CNNM4: variants seen among roughly 807,000 people sequenced by gnomAD.
The protein encoded by CNNM4 is cyclin and CBS domain divalent metal cation transport mediator 4.
In CNNM4, 32 loss-of-function variants were observed where a neutral mutation model predicts 53.7. That is an observed-to-expected ratio of 0.60 (90% CI 0.45 to 0.80). CNNM4 has a LOEUF of 0.80. Ranked by LOEUF, CNNM4 falls within the 30% of genes least tolerant of loss-of-function variation. The pLI, the probability that CNNM4 is intolerant of heterozygous loss-of-function variation, is 0.00. For missense variants in CNNM4, 784 were observed against 1,022.0 expected (o/e 0.77, Z 3.17); for synonymous variants, 410 against 440.0 (o/e 0.93, Z 0.85).
intron 1 of CNNM4, among the ~76,000 whole-genome samples, chr2:96,772,378 C>T (rs1477203692): frequency 6.9e-6 from 1 of 144,920 alleles, no homozygotes; most frequent in Non-Finnish European, 1.5e-5. Context: ...CACACACGTG[C>T]GCACACACAC....
chr2:96,803,897 T>C (rs79728447), intron 5 of CNNM4, among the ~76,000 whole-genome samples: 3,620 of 152,134 alleles, frequency 0.024, 165 homozygotes, highest in African/African-American at 0.081. Context: ...GACCTCTGTT[T>C]TTTTGTTTGT....
intron 1 of CNNM4, among the ~76,000 whole-genome samples, chr2:96,786,443 G>C (rs978675292): frequency 2.7e-5 from 4 of 149,992 alleles, no homozygotes; most frequent in African/African-American, 9.8e-5. Flanking sequence ...TTAAAAAGTA[G>C]TGTATTAGAG....
At chr2:96,782,320 G>A (rs2078981989) in intron 1 of CNNM4, among the ~76,000 whole-genome samples, 1 of 151,768 alleles carries the variant, frequency 6.6e-6, no homozygotes, top group Non-Finnish European at 1.5e-5. Context: ...GCTGAGGTGG[G>A]AGGATCATTT....
At position 96,769,813 on chromosome 2, in the gene CNNM4, G is replaced by A. The variant is rs10194173; in HGVS notation, c.1402+7412G>A. ...GGTGCCCGAAGGCAGCTTTGCACCG[G>A]TTCTCCGTCAGCCCTGCCTGGTAAT... On this transcript the variant is annotated intron_variant, in intron 1 of 6. Coordinates refer to ENST00000377075, the MANE Select transcript of CNNM4 (RefSeq NM_020184.4). Among the ~76,000 whole-genome samples, 697 of 152,310 alleles carry A rather than the reference G, an allele frequency of 4.6e-3. 6 individuals are homozygous for A. Among genetic ancestry groups the A allele is most frequent in the African/African-American group, 0.016 (664 of 41,572 alleles).
At position 96,799,562 on chromosome 2, in the gene CNNM4, A is replaced by G; in HGVS notation, c.1862A>G (p.Glu621Gly). The G allele has an allele frequency of 1.3e-6, 2 of 1,554,640 alleles. No homozygotes were observed. The highest frequency in any genetic ancestry group is 1.7e-6 in the Non-Finnish European group (2 of 1,148,492). Residue 621 changes from glutamate (E) to glycine (G), a missense_variant, in exon 5 of 7, where the codon GAG becomes GGG. Physicochemically the swap from Glu to Gly is moderately conservative, Grantham distance 98. Transcript: ENST00000377075. ...YFILILQGKV[E>G]VEAGKENMKF... ...CCTGTGTTTTTTCAGGGGAAGGTGG[A>G]GGTGGAGGCAGGGAAGGAGAACATG...
chr2:96,807,387 T>A (rs937212943), intron 5 of CNNM4, among the ~76,000 whole-genome samples: 1 of 151,468 alleles, frequency 6.6e-6, no homozygotes, highest in Non-Finnish European at 1.5e-5. Flanking sequence ...CTTTGCGAGG[T>A]TGAGGCAGGC....
At chr2:96,782,457 A>G (rs144893977) in intron 1 of CNNM4, among the ~76,000 whole-genome samples, 37 of 152,148 alleles carry the variant, frequency 2.4e-4, no homozygotes, top group African/African-American at 8.9e-4. Context: ...CATGAGACAG[A>G]TGAGACTATA....
At position 96,809,544 on chromosome 2, in the gene CNNM4, C is replaced by A. The variant is rs1179588448; in HGVS notation, c.*27C>A. The A allele has an allele frequency of 6.2e-7, 1 of 1,608,214 alleles. No homozygotes were observed. Among genetic ancestry groups the A allele is most frequent in the African/African-American group, 1.3e-5 (1 of 74,830 alleles). On this transcript the variant is annotated 3_prime_UTR_variant, in exon 7 of 7. Transcript: ENST00000377075. ...AGGAGGGCCCGGGGCCCCCTGCCCACCCTGCGGGGGCCTCCCCAGTGGGCC... is the reference window on the plus strand; with the variant it reads ...AGGAGGGCCCGGGGCCCCCTGCCCAACCTGCGGGGGCCTCCCCAGTGGGCC...
intron 5 of CNNM4, among the ~76,000 whole-genome samples, chr2:96,806,932 C>T (rs1159582921): frequency 1.3e-5 from 2 of 152,192 alleles, no homozygotes; most frequent in Non-Finnish European, 2.9e-5. Context: ...CTGACCCGCC[C>T]CGGCCAGGCT....
chr2:96,802,690 A>G (rs2079169975), intron 5 of CNNM4, among the ~76,000 whole-genome samples: 1 of 152,244 alleles, frequency 6.6e-6, no homozygotes, highest in Non-Finnish European at 1.5e-5. Flanking sequence ...TTAGAGCTCA[A>G]TTATTATTAT....
intron 1 of CNNM4, among the ~76,000 whole-genome samples, chr2:96,783,279 A>G (rs1055940196): frequency 3.3e-5 from 5 of 152,182 alleles, no homozygotes; most frequent in Non-Finnish European, 5.9e-5. Context: ...CCAGCTCTGC[A>G]GTTCCAGGAG....
intron 1 of CNNM4, among the ~76,000 whole-genome samples, chr2:96,795,233 C>G (rs1452185499): frequency 6.6e-6 from 1 of 152,226 alleles, no homozygotes; most frequent in African/African-American, 2.4e-5. Context: ...CCTGTATGGA[C>G]AGCCTCCAGC....
At chr2:96,799,726 G>C in intron 5 of CNNM4, 78 bp downstream of exon 5, 1 of 1,207,728 alleles carries the variant, frequency 8.3e-7, no homozygotes, top group Non-Finnish European at 1.2e-6. Context: ...CCAGAACTGA[G>C]CATGGGCCCG....
intron 1 of CNNM4, among the ~76,000 whole-genome samples, chr2:96,788,415 G>A (rs1218928554): frequency 6.6e-6 from 1 of 152,108 alleles, no homozygotes; most frequent in African/African-American, 2.4e-5. Context: ...GAGGAAGGGA[G>A]CAACATAGAT....
intron 1 of CNNM4, among the ~76,000 whole-genome samples, chr2:96,774,960 C>CAAAAAAAA (rs56997097): frequency 1.7e-4 from 3 of 17,690 alleles, no homozygotes; most frequent in Non-Finnish European, 3.6e-4. Context: ...GACTCCATCT[C>CAAAAAAAA]AAAAAAAAAA....
intron 1 of CNNM4, among the ~76,000 whole-genome samples, chr2:96,762,884 G>C (rs1368422147): frequency 6.6e-6 from 1 of 152,152 alleles, no homozygotes; most frequent in East Asian, 1.9e-4. Context: ...AGAAGCAAAA[G>C]TGTGCTTGTG....
chr2:96,798,896 G>T (rs2079130967), intron 3 of CNNM4, among the ~76,000 whole-genome samples, 161 bp from the exon 4 acceptor site: 1 of 152,182 alleles, frequency 6.6e-6, no homozygotes, highest in African/African-American at 2.4e-5. Flanking sequence ...AGCCAAGCGT[G>T]CTCCCTCCCC....
At chr2:96,799,368 C>T in intron 4 of CNNM4, 142 bp downstream of exon 4, 1 of 1,269,348 alleles carries the variant, frequency 7.9e-7, no homozygotes, top group Non-Finnish European at 1.1e-6. Flanking sequence ...CCGCCTGCCC[C>T]ACGTGGCCAT....
chr2:96,803,371 TC>T (rs2079175000), intron 5 of CNNM4, among the ~76,000 whole-genome samples: 1 of 152,198 alleles, frequency 6.6e-6, no homozygotes, highest in African/African-American at 2.4e-5. Flanking sequence ...CAAAAAACTT[TC>T]CCTGTGTTTA....
Sources: allele counts gnomAD v4.1 joint callset (sites outside exome capture counted in the v4.1 genomes callset), GRCh38; gene constraint gnomAD v4.1.1; transcripts MANE v1.5; gene names NCBI Gene and HGNC (gene_info 2026-07-23, HGNC 2026-07-21).